The following POFUT1 variants were observed in gnomAD, a reference collection of about 807,000 sequenced individuals.
The protein encoded by POFUT1 is protein O-fucosyltransferase 1, also known as GDP-fucose protein O-fucosyltransferase 1.
Under a neutral mutation model 42.4 loss-of-function variants are expected in POFUT1, and 16 were observed. The ratio of observed to expected loss-of-function variants is 0.38; its 90% CI spans 0.26 to 0.57. The LOEUF is 0.57. Among genes scored for constraint, POFUT1 ranks in the 20% least tolerant of loss-of-function variants. The pLI, the probability that POFUT1 is intolerant of heterozygous loss-of-function variation, is 0.71. For missense variants in POFUT1, 470 were observed against 504.6 expected (o/e 0.93, Z 0.66); for synonymous variants, 206 against 205.4 (o/e 1.00, Z -0.03).
chr20:32,218,359 A>T (rs576873693), intron 4 of POFUT1, among the ~76,000 whole-genome samples: 2 of 152,214 alleles, frequency 1.3e-5, no homozygotes, highest in East Asian at 3.9e-4. Context: ...GGCTGGTCTT[A>T]AACTCCTGGC....
intron 2 of POFUT1, among the ~76,000 whole-genome samples, chr20:32,212,314 C>A (rs1466213822): frequency 1.3e-5 from 2 of 151,886 alleles, no homozygotes; most frequent in African/African-American, 4.8e-5. Flanking sequence ...CACTGTTGCC[C>A]AGGGTGAAGT....
rs755104805 is a variant in POFUT1, at chr20:32,215,393, C to T, written c.371C>T (p.Ala124Val). The T allele has an allele frequency of 3.1e-6, 5 of 1,614,076 alleles. No individual in the cohort carries two copies. Among genetic ancestry groups the T allele is most frequent in the Non-Finnish European group, 4.2e-6 (5 of 1,180,004 alleles). The change falls in exon 3 of 7, where the codon GCA (alanine) becomes GTA (valine). Residue 124 changes from alanine to valine, a missense_variant. Physicochemically the swap from Ala to Val is moderately conservative, Grantham distance 64. Coordinates refer to ENST00000375749, the MANE Select transcript of POFUT1 (RefSeq NM_015352.2). ...CACTGGCCCCCTGAGAAGCGGGTGG[C>T]ATACTGCTTTGAGGTGGCAGCCCAG... ...PTHWPPEKRV[A>V]YCFEVAAQRS...
chr20:32,223,144 G>A (rs2047398868), intron 4 of POFUT1: 1 of 985,344 alleles, frequency 1.0e-6, no homozygotes, highest in Admixed American at 6.2e-5. Flanking sequence ...GCATGGTGGT[G>A]AAGAATCCCA....
chr20:32,219,842 G>A (rs2047382052), intron 4 of POFUT1, among the ~76,000 whole-genome samples: 1 of 152,124 alleles, frequency 6.6e-6, no homozygotes, highest in Admixed American at 6.6e-5. Context: ...GGTTAACTGG[G>A]CTTAGCTGGG....
rs2047465662 is a variant in POFUT1 at position 32,235,562 on chromosome 20, G to C, written c.*901G>C. 1 of 152,256 alleles carries C rather than the reference G, an allele frequency of 6.6e-6. No individual in the cohort carries two copies. Among genetic ancestry groups the C allele is most frequent in the African/African-American group, 2.4e-5 (1 of 41,454 alleles). The allele number at this position is 152,256 out of a possible 1,614,324, so 9.4% of individuals were successfully genotyped here. A position where few individuals can be genotyped will look rare whatever the true frequency, so the allele number is the denominator to read the frequency against. ...GTCCTCCTGCAGCTGGAGCCTTCAG[G>C]CCGTATTCTCACGAGGGAACGTTTG... On this transcript the variant is annotated 3_prime_UTR_variant, in exon 7 of 7. Transcript: ENST00000375749.
chr20:32,207,889 C>G lies in POFUT1; in HGVS notation c.-53C>G, dbSNP rs1264465549. 1 of 1,443,508 alleles carries G rather than the reference C, an allele frequency of 6.9e-7. No individual in the cohort carries two copies. Among genetic ancestry groups the G allele is most frequent in the South Asian group, 1.4e-5 (1 of 73,060 alleles). The allele number at this position is 1,443,508 out of a possible 1,614,324, so 89.4% of individuals were successfully genotyped here. On this transcript the variant is annotated 5_prime_UTR_variant, in exon 1 of 7. Transcript: ENST00000375749. ...TGGGAGCGGGGCGGGCGCTCGCGTC[C>G]CTCCTTCCCTCCCCGACTGTGCGCC... is the stretch of plus-strand genomic sequence containing the variant.
chr20:32,229,460 T>G (rs562158103), intron 5 of POFUT1, among the ~76,000 whole-genome samples: 2 of 152,320 alleles, frequency 1.3e-5, no homozygotes, highest in East Asian at 1.9e-4. Flanking sequence ...CAAGAAAGCA[T>G]TTGATAAAAG....
chr20:32,215,502 G>A (rs369727028), intron 3 of POFUT1, 51 bp downstream of exon 3: 5 of 1,498,224 alleles, frequency 3.3e-6, no homozygotes, highest in Non-Finnish European at 4.6e-6. Flanking sequence ...TGTCCTCTAG[G>A]CCCCCAAGAC....
At chr20:32,227,797 A>G (rs1461717129) in intron 4 of POFUT1, among the ~76,000 whole-genome samples, 1 of 152,210 alleles carries the variant, frequency 6.6e-6, no homozygotes, top group African/African-American at 2.4e-5. Flanking sequence ...ATGTTTTTTA[A>G]ATGTTGAATG....
At chr20:32,214,036 A>G (rs1340227268) in intron 2 of POFUT1, among the ~76,000 whole-genome samples, 1 of 151,968 alleles carries the variant, frequency 6.6e-6, no homozygotes, top group Admixed American at 6.6e-5. Flanking sequence ...TGTGGCACTG[A>G]GCATCCTGGT....
chr20:32,207,960 G>C lies in POFUT1; in HGVS notation c.19G>C (p.Ala7Pro). The C allele has an allele frequency of 6.3e-7, 1 of 1,590,672 alleles. No individual in the cohort carries two copies. The highest frequency in any genetic ancestry group is 8.5e-7 in the Non-Finnish European group (1 of 1,175,916). MGAAAW[A>P]RPLSVSFLLL... Reference sequence around the variant, plus strand: ...GGCCGACATGGGCGCCGCCGCGTGGGCACGGCCGCTGAGCGTGTCTTTCCT... The same window carrying C: ...GGCCGACATGGGCGCCGCCGCGTGGCCACGGCCGCTGAGCGTGTCTTTCCT... The change falls in exon 1 of 7, where the codon GCA becomes CCA. Residue 7 changes from alanine to proline, a missense_variant. Coordinates refer to ENST00000375749, the MANE Select transcript of POFUT1 (RefSeq NM_015352.2).
intron 6 of POFUT1, among the ~76,000 whole-genome samples, chr20:32,232,665 C>G (rs188104797): frequency 1.6e-4 from 25 of 152,244 alleles, no homozygotes; most frequent in African/African-American, 2.6e-4. Flanking sequence ...ACATTCCCCC[C>G]ACCTACCTAC....
intron 3 of POFUT1, 82 bp downstream of exon 3, chr20:32,215,533 G>A: frequency 6.7e-6 from 8 of 1,189,132 alleles, no homozygotes; most frequent in Non-Finnish European, 8.3e-6. Flanking sequence ...CAAAATGTGG[G>A]GAAAAGCACC....
chr20:32,233,129 C>G (rs545345532), intron 6 of POFUT1, among the ~76,000 whole-genome samples: 3 of 152,224 alleles, frequency 2.0e-5, no homozygotes, highest in Non-Finnish European at 4.4e-5. Flanking sequence ...AGCAAACCAA[C>G]ACAGCTCTAG....
chr20:32,223,595 C>T (rs1237978942), intron 4 of POFUT1: 1 of 985,424 alleles, frequency 1.0e-6, no homozygotes, highest in East Asian at 1.1e-4. Context: ...TTTGAGGTAG[C>T]ATCTGAAAGA....
chr20:32,215,394 A>T lies in POFUT1; in HGVS notation c.372A>T (p.Ala124=), dbSNP rs778816575. ...ACTGGCCCCCTGAGAAGCGGGTGGC[A>T]TACTGCTTTGAGGTGGCAGCCCAGC... ...PTHWPPEKRV[A]YCFEVAAQRS... is the part of the protein sequence containing the mutation. The change falls in exon 3 of 7, where the codon GCA becomes GCT. Residue 124 remains alanine, a synonymous_variant. Coordinates refer to ENST00000375749, the MANE Select transcript of POFUT1 (RefSeq NM_015352.2). The T allele has an allele frequency of 5.6e-6, 9 of 1,614,074 alleles. No homozygotes were observed. The highest frequency in any genetic ancestry group is 3.3e-5 in the South Asian group (3 of 91,078).
intron 2 of POFUT1, among the ~76,000 whole-genome samples, chr20:32,213,794 T>A (rs1268196421): frequency 1.3e-5 from 2 of 152,054 alleles, no homozygotes; most frequent in South Asian, 4.1e-4. Context: ...ATTACACAGA[T>A]GAATACAACC....
intron 5 of POFUT1, among the ~76,000 whole-genome samples, chr20:32,229,366 G>A (rs1318811727): frequency 6.6e-6 from 1 of 152,010 alleles, no homozygotes; most frequent in Non-Finnish European, 1.5e-5. Context: ...CACAAAACAC[G>A]TAAAAATCTA....
intron 4 of POFUT1, among the ~76,000 whole-genome samples, chr20:32,222,159 C>T (rs146620628): frequency 7.5e-4 from 114 of 152,164 alleles, no homozygotes; most frequent in Admixed American, 1.4e-3. Flanking sequence ...AAAATTTAGC[C>T]GTGCATGGTG....
Sources: allele counts gnomAD v4.1 joint callset (sites outside exome capture counted in the v4.1 genomes callset), GRCh38; gene constraint gnomAD v4.1.1; transcripts MANE v1.5; gene names NCBI Gene and HGNC (gene_info 2026-07-23, HGNC 2026-07-21).